Variants in NUP42 observed in about 807,000 individuals in gnomAD.
NUP42 encodes the protein nucleoporin NUP42.
NUP42 carries 47 observed loss-of-function variants against 35.9 expected under a neutral mutation model. The observed-to-expected ratio is 1.31, with a 90% CI of 1.04 to 1.67. The LOEUF (loss-of-function observed/expected upper bound fraction) is 1.67. Among genes scored for constraint, NUP42 ranks in the 40% most tolerant of loss-of-function variants. The probability of loss-of-function intolerance (pLI) is 0.00; values close to 1 mark genes in which losing one functional copy is unlikely to be tolerated. For synonymous variants in NUP42, 173 were observed against 173.3 expected (o/e 1.00, Z 0.01); for missense variants, 514 against 492.2 (o/e 1.04, Z -0.42).
Position 23,200,719 on chromosome 7 carries a change from C to G in NUP42, c.1246C>G (p.Pro416Ala). 2 of 1,599,106 alleles carry G rather than the reference C, an allele frequency of 1.3e-6. No individual in the cohort carries two copies. The highest frequency in any genetic ancestry group is 1.7e-6 in the Non-Finnish European group (2 of 1,174,650). ...TCTGGGAAAAATTCCATTAAAGCCT[C>G]CACCTCTGGAACTTCTAAATGTTTA... is the stretch of plus-strand genomic sequence containing the variant. ...FTLGKIPLKPPPLELLNV is the reference protein window; with the variant it reads ...FTLGKIPLKPAPLELLNV The change falls in exon 7 of 7, where the codon CCA becomes GCA. Residue 416 changes from proline (P) to alanine (A), a missense_variant. By Grantham distance (27) the Pro-to-Ala change is conservative. Transcript: ENST00000258742.
intron 3 of NUP42, among the ~76,000 whole-genome samples, chr7:23,192,832 A>ATGTG (rs1033759063): frequency 2.0e-5 from 3 of 152,100 alleles, no homozygotes; most frequent in African/African-American, 7.2e-5. Context: ...AAGTTGTTCT[A>ATGTG]TGTGTGTATA....
chr7:23,182,514 T>A, intron 1 of NUP42: 1 of 1,113,278 alleles, frequency 9.0e-7, no homozygotes, highest in Non-Finnish European at 1.1e-6. Flanking sequence ...TGAATATAAT[T>A]TTTACTAAGT....
intron 3 of NUP42, among the ~76,000 whole-genome samples, chr7:23,193,180 T>C (rs1418826466): frequency 1.3e-5 from 2 of 152,072 alleles, no homozygotes; most frequent in African/African-American, 4.8e-5. Flanking sequence ...ATAAAGGCAA[T>C]GTGGACCCAA....
At chr7:23,199,793 A>AT (rs1786146621) in intron 6 of NUP42, among the ~76,000 whole-genome samples, 1 of 152,252 alleles carries the variant, frequency 6.6e-6, no homozygotes. Flanking sequence ...GTAGAAGTAC[A>AT]TAGCTATGAT....
Position 23,196,756 on chromosome 7 carries a change from A to C in NUP42, c.599A>C (p.Lys200Thr). 1 of 1,603,006 alleles carries C rather than the reference A, an allele frequency of 6.2e-7. No individual in the cohort carries two copies. The highest frequency in any genetic ancestry group is 1.3e-5 in the African/African-American group (1 of 74,806). Residue 200 changes from lysine (K) to threonine (T), a missense_variant, in exon 5 of 7, where the codon AAA becomes ACA. Lys to Thr is a moderately conservative substitution (Grantham distance 78). Coordinates refer to ENST00000258742, the MANE Select transcript of NUP42 (RefSeq NM_007342.3). ...NELKSLNIST[K>T]VALLSDVKDG... The stretch of plus-strand genomic sequence containing the variant: ...CTGAAAAGTCTAAATATATCAACTA[A>C]AGTAGCTTTGGTGAGTATGGGAGAG...
chr7:23,187,081 G>A lies in NUP42; in HGVS notation c.380G>A (p.Trp127Ter), dbSNP rs76309873. The change falls in exon 3 of 7, where the codon TGG (tryptophan) becomes TAG (stop). Residue 127 changes from tryptophan (W) to a stop codon, truncating the protein, a stop_gained. Coordinates refer to ENST00000258742, the MANE Select transcript of NUP42 (RefSeq NM_007342.3). LOFTEE classifies it high-confidence loss of function. ...GGAATTGTAAAAGATATGGAGGTTT[G>A]GGAATCATCAGGGCAGTGGATGTTT... ...LEGIVKDMEVWESSGQWMFSV... is the reference protein window; with the variant it reads ...LEGIVKDMEV 2 of 1,599,248 alleles carry A rather than the reference G, an allele frequency of 1.3e-6. No individual in the cohort carries two copies. Among genetic ancestry groups the A allele is most frequent in the East Asian group, 2.2e-5 (1 of 44,516 alleles).
chr7:23,182,789 C>G (rs190700072), intron 1 of NUP42, among the ~76,000 whole-genome samples: 2 of 149,078 alleles, frequency 1.3e-5, no homozygotes, highest in Admixed American at 6.7e-5. Context: ...TGGCGCGCGC[C>G]TGTAATCCCA....
chr7:23,191,321 G>A (rs1223904510), intron 3 of NUP42, among the ~76,000 whole-genome samples: 1 of 152,216 alleles, frequency 6.6e-6, no homozygotes, highest in Non-Finnish European at 1.5e-5. Flanking sequence ...AAGGTCTGTT[G>A]GGAGCCGTGG....
chr7:23,196,633 TTAAACA>T (rs1214470769), intron 4 of NUP42, 41 bp from the exon 5 acceptor site: 7 of 1,326,490 alleles, frequency 5.3e-6, no homozygotes, highest in Non-Finnish European at 7.5e-6. Context: ...AGAAACTAAC[TTAAACA>T]TACAATATTG....
chr7:23,187,984 C>G (rs898566757), intron 3 of NUP42: 3 of 836,206 alleles, frequency 3.6e-6, no homozygotes, highest in Non-Finnish European at 5.5e-6. Context: ...TTAGAATATT[C>G]TCTCTCTCTT....
At chr7:23,192,645 A>G (rs945978022) in intron 3 of NUP42, among the ~76,000 whole-genome samples, 1 of 151,958 alleles carries the variant, frequency 6.6e-6, no homozygotes, top group Non-Finnish European at 1.5e-5. Context: ...CTTCATCCTT[A>G]TTGTCTTTAT....
intron 4 of NUP42, 163 bp from the exon 5 acceptor site, chr7:23,196,515 CTT>C (rs1786015923): frequency 1.8e-6 from 1 of 570,202 alleles, no homozygotes; most frequent in Admixed American, 3.2e-5. Context: ...GCTGGCATAT[CTT>C]TGACAAATAG....
chr7:23,189,282 G>A (rs1785708104), intron 3 of NUP42, among the ~76,000 whole-genome samples: 1 of 152,216 alleles, frequency 6.6e-6, no homozygotes. Context: ...TGGCTTCTCA[G>A]TACTTAAAAT....
rs752277750 is a variant in NUP42, at chr7:23,195,832, A to G, written c.446-7A>G. On this transcript the variant is annotated splice_polypyrimidine_tract_variant and splice_region_variant and intron_variant, in intron 3 of 6. Transcript: ENST00000258742. Reference sequence around the variant, plus strand: ...TTTTAAAGATTCCGATTGATTCCTCACTTCAGGTTTTACAGACATTTCACC... The same window carrying G: ...TTTTAAAGATTCCGATTGATTCCTCGCTTCAGGTTTTACAGACATTTCACC... The G allele has an allele frequency of 4.1e-5, 64 of 1,578,090 alleles. No individual in the cohort carries two copies. The highest frequency in any genetic ancestry group is 4.8e-5 in the Non-Finnish European group (55 of 1,154,950).
chr7:23,192,059 A>T (rs1785810945), intron 3 of NUP42, among the ~76,000 whole-genome samples: 5 of 152,230 alleles, frequency 3.3e-5, no homozygotes. Flanking sequence ...GGTAACTACT[A>T]CATTTTAGTA....
chr7:23,185,045 T>A (rs760164439), intron 1 of NUP42, 25 bp from the exon 2 acceptor site: 2 of 1,558,208 alleles, frequency 1.3e-6, no homozygotes, highest in South Asian at 2.3e-5. Context: ...CTAGTAAAAT[T>A]ATTTTGTTTT....
intron 2 of NUP42, among the ~76,000 whole-genome samples, chr7:23,185,939 C>CT (rs1785578429): frequency 1.3e-5 from 2 of 151,872 alleles, no homozygotes; most frequent in Non-Finnish European, 2.9e-5. Context: ...AGGGTTTTAC[C>CT]ATGTTGGCCA....
Position 23,191,725 on chromosome 7 carries a change from C to A in NUP42, c.446-4114C>A, listed in dbSNP as rs148019154. Among the ~76,000 whole-genome samples the A allele has an allele frequency of 1.5e-4, 23 of 152,276 alleles. No homozygotes were observed. In the East Asian group the frequency reaches 3.7e-3, roughly 24 times the overall value. ...TTTGGGCCAGATGTGGTGGCTCATG[C>A]TTGTAATCCTAGCACTTTGGGAGGC... On this transcript the variant is annotated intron_variant, in intron 3 of 6. Transcript: ENST00000258742.
chr7:23,182,472 A>T, intron 1 of NUP42: 1 of 1,279,660 alleles, frequency 7.8e-7, no homozygotes, highest in Non-Finnish European at 9.9e-7. Flanking sequence ...GGAAGTACCT[A>T]TCGAAACTAC....
Sources: allele counts gnomAD v4.1 joint callset (sites outside exome capture counted in the v4.1 genomes callset), GRCh38; gene constraint gnomAD v4.1.1; transcripts MANE v1.5; gene names NCBI Gene and HGNC (gene_info 2026-07-23, HGNC 2026-07-21).